SNTG1: variants seen among roughly 807,000 people sequenced by gnomAD.
SNTG1 encodes syntrophin gamma 1.
SNTG1 carries 39 observed loss-of-function variants against 74.7 expected under a neutral mutation model. The observed-to-expected ratio is 0.52, with a 90% CI of 0.40 to 0.68. The LOEUF (loss-of-function observed/expected upper bound fraction) is 0.68. SNTG1 is among the 30% of genes least tolerant of loss of function. The pLI is 0.00. For synonymous variants in SNTG1, 254 were observed against 217.1 expected, an observed-to-expected ratio of 1.17 and a Z score of -1.49; for missense variants, 685 against 609.5, an observed-to-expected ratio of 1.12 and a Z score of -1.30.
At chr8:50,380,256 A>G (rs1256407608) in intron 2 of SNTG1, among the ~76,000 whole-genome samples, 1 of 152,234 alleles carries the variant, frequency 6.6e-6, no homozygotes, top group African/African-American at 2.4e-5. Flanking sequence ...GACTGTAACC[A>G]TTGTTTTAAA....
intron 1 of SNTG1, among the ~76,000 whole-genome samples, chr8:50,162,487 G>A (rs1434129374): frequency 9.9e-5 from 15 of 150,812 alleles, no homozygotes; most frequent in African/African-American, 2.2e-4. Context: ...GCATGAACCC[G>A]GGAGGTGGAG....
chr8:50,428,256 G>C (rs1346608309), intron 4 of SNTG1, among the ~76,000 whole-genome samples: 2 of 152,152 alleles, frequency 1.3e-5, no homozygotes, highest in Non-Finnish European at 2.9e-5. Flanking sequence ...GTTACAATGA[G>C]TTATAATGAA....
intron 13 of SNTG1, among the ~76,000 whole-genome samples, chr8:50,597,116 T>G (rs2094732785): frequency 6.6e-6 from 1 of 151,828 alleles, no homozygotes; most frequent in Admixed American, 6.6e-5. Flanking sequence ...ACTCTCTACT[T>G]GTATGAGATC....
At chr8:50,040,450 T>C (rs971020747) in intron 1 of SNTG1, among the ~76,000 whole-genome samples, 2 of 152,174 alleles carry the variant, frequency 1.3e-5, no homozygotes, top group African/African-American at 2.4e-5. Context: ...ACTTAAACTG[T>C]ATATCTTAAT....
chr8:50,527,706 C>G (rs1424966568), intron 9 of SNTG1, among the ~76,000 whole-genome samples: 1 of 151,950 alleles, frequency 6.6e-6, no homozygotes, highest in East Asian at 1.9e-4. Context: ...TTTGGCTATT[C>G]TACATCTATT....
rs1440564126 is a variant in SNTG1 at position 50,545,627 on chromosome 8, T to C, written c.681-7423T>C. On this transcript the variant is annotated intron_variant, in intron 11 of 18. Coordinates refer to ENST00000642720, the MANE Select transcript of SNTG1 (RefSeq NM_018967.5). The stretch of plus-strand genomic sequence containing the variant: ...AATAAAAAAATTCATGTCTTAGTTT[T>C]TTCTTTAGGTAGAATTATCATCTAC... Among the ~76,000 whole-genome samples the C allele has an allele frequency of 2.0e-5, 3 of 152,050 alleles. No individual in the cohort carries two copies. The East Asian group carries it at 5.8e-4, about 29-fold the overall frequency.
chr8:50,374,822 T>C (rs1260468302), intron 2 of SNTG1, among the ~76,000 whole-genome samples: 1 of 152,224 alleles, frequency 6.6e-6, no homozygotes, highest in Non-Finnish European at 1.5e-5. Context: ...CCCTAGGCAA[T>C]TTGATCCTTT....
At chr8:50,636,088 A>C (rs1267239378) in intron 13 of SNTG1, among the ~76,000 whole-genome samples, 1 of 132,748 alleles carries the variant, frequency 7.5e-6, no homozygotes, top group Admixed American at 8.1e-5. Flanking sequence ...TCCTGGAGCT[A>C]GGGCCTAGAA....
intron 1 of SNTG1, among the ~76,000 whole-genome samples, chr8:50,025,066 G>A (rs1030076436): frequency 6.6e-6 from 1 of 152,120 alleles, no homozygotes; most frequent in South Asian, 2.1e-4. Context: ...AAGGCTACCA[G>A]TTGTATTTAC....
intron 8 of SNTG1, among the ~76,000 whole-genome samples, chr8:50,465,277 T>A (rs1223663709): frequency 6.6e-6 from 1 of 152,192 alleles, no homozygotes; most frequent in African/African-American, 2.4e-5. Flanking sequence ...AGTATCAGAA[T>A]AAGCCACTCC....
intron 1 of SNTG1, among the ~76,000 whole-genome samples, chr8:49,980,077 C>T (rs915352302): frequency 6.6e-6 from 1 of 152,174 alleles, no homozygotes; most frequent in Non-Finnish European, 1.5e-5. Context: ...AACCACACAG[C>T]AGGTATGTCC....
At chr8:50,408,496 G>T (rs934960965) in intron 4 of SNTG1, among the ~76,000 whole-genome samples, 1 of 152,084 alleles carries the variant, frequency 6.6e-6, no homozygotes, top group African/African-American at 2.4e-5. Flanking sequence ...GACAAGGTCT[G>T]GGATAGGGAG....
At chr8:49,988,066 C>T (rs1268048302) in intron 1 of SNTG1, among the ~76,000 whole-genome samples, 2 of 152,076 alleles carry the variant, frequency 1.3e-5, no homozygotes, top group African/African-American at 4.8e-5. Context: ...TACACAGGCT[C>T]AAGGCTGTGA....
At chr8:50,527,009 G>A (rs930223476) in intron 9 of SNTG1, among the ~76,000 whole-genome samples, 35 of 152,092 alleles carry the variant, frequency 2.3e-4, no homozygotes, top group African/African-American at 8.0e-4. Context: ...TCCAATATTT[G>A]ATGCTCAAAT....
At chr8:50,604,700 G>T (rs529588365) in intron 13 of SNTG1, among the ~76,000 whole-genome samples, 1 of 152,106 alleles carries the variant, frequency 6.6e-6, no homozygotes, top group Non-Finnish European at 1.5e-5. Context: ...TCTAGGCCTG[G>T]ATTTAGCCAC....
intron 9 of SNTG1, 119 bp downstream of exon 9, chr8:50,502,999 T>A: frequency 2.7e-6 from 2 of 738,670 alleles, no homozygotes; most frequent in East Asian, 5.4e-5. Context: ...CTGTAAACAT[T>A]TTTATATTAC....
Position 50,154,419 on chromosome 8 carries a change from T to C in SNTG1, c.-102-18142T>C, listed in dbSNP as rs544154613. Among the ~76,000 whole-genome samples the C allele has an allele frequency of 7.2e-5, 11 of 152,188 alleles. No homozygotes were observed. The South Asian group carries it at 2.1e-3, about 29-fold the overall frequency. ...TCACCCTGCTTCGGCTCACACTCGG[T>C]GGGCTACATCCACTGTCCTACCCCC... On this transcript the variant is annotated intron_variant, in intron 1 of 18. Coordinates refer to ENST00000642720, the MANE Select transcript of SNTG1 (RefSeq NM_018967.5).
At chr8:50,410,537 A>G (rs1342260951) in intron 4 of SNTG1, among the ~76,000 whole-genome samples, 2 of 152,234 alleles carry the variant, frequency 1.3e-5, no homozygotes, top group Non-Finnish European at 2.9e-5. Flanking sequence ...ATAGATATAT[A>G]TACATACACA....
chr8:49,967,819 A>G (rs1041021780), intron 1 of SNTG1, among the ~76,000 whole-genome samples: 2 of 152,360 alleles, frequency 1.3e-5, no homozygotes, highest in Admixed American at 1.3e-4. Flanking sequence ...TTAAGCAAAT[A>G]ATAAGATGCC....
Sources: gnomAD v4.1 joint callset for allele counts (sites outside exome capture counted in the v4.1 genomes callset) on GRCh38, gnomAD v4.1.1 for gene constraint, MANE v1.5 for transcripts, NCBI Gene and HGNC (gene_info 2026-07-23, HGNC 2026-07-21) for gene names.